Variants in RAF1 observed in about 807,000 individuals in gnomAD.
RAF1 encodes RAF proto-oncogene serine/threonine-protein kinase.
A neutral mutation model predicts 81.1 loss-of-function variants in RAF1; 27 were observed. The observed-to-expected ratio is 0.33, with a 90% CI of 0.25 to 0.46. RAF1 has a LOEUF of 0.46. Among genes scored for constraint, RAF1 ranks in the 20% least tolerant of loss-of-function variants. RAF1 has a pLI of 1.00. For missense variants in RAF1, 598 were observed against 826.0 expected (o/e 0.72, Z 3.38); for synonymous variants, 298 against 294.0 (o/e 1.01, Z -0.14).
At position 12,599,762 on chromosome 3, in the gene RAF1, G is replaced by A. The variant is rs2125378113; in HGVS notation, c.1097C>T (p.Ala366Val). 1 of 1,614,112 alleles carries A rather than the reference G, an allele frequency of 6.2e-7. No individual in the cohort carries two copies. The highest frequency in any genetic ancestry group is 8.5e-7 in the Non-Finnish European group (1 of 1,180,018). The change falls in exon 11 of 18, where the codon GCC becomes GTC. Residue 366 changes from alanine to valine, a missense_variant. By Grantham distance (64) the Ala-to-Val change is moderately conservative. Around this residue, in one of 5 missense-constraint regions of RAF1, gnomAD observed 194 missense variants for 202.7 expected, o/e 0.96. Coordinates refer to ENST00000442415, the MANE Select transcript of RAF1 (RefSeq NM_001354689.3). ...CCGAGTGGACAGCATCACTTCACTG[G>A]CTTCTATTTCCCAATAATAGCTTGA...
rs1049453131 is a variant in RAF1 at position 12,650,052 on chromosome 3, A to C, written c.-27+13761T>G. On this transcript the variant is annotated intron_variant, in intron 1 of 17. Transcript: ENST00000442415. ...TCCCAGCTACTCGGGAGGCTGAGGC[A>C]GGAGAACTGCATGAACCCAGGAGGC... Among the ~76,000 whole-genome samples, 10 of 146,800 alleles carry C rather than the reference A, an allele frequency of 6.8e-5. No individual in the cohort carries two copies. In the South Asian group the frequency reaches 2.1e-3, roughly 30 times the overall value.
intron 1 of RAF1, among the ~76,000 whole-genome samples, chr3:12,633,951 A>C (rs1239201095): frequency 4.0e-5 from 6 of 148,886 alleles, no homozygotes; most frequent in Non-Finnish European, 8.9e-5. Flanking sequence ...AAAAAAAAAA[A>C]CAAAAAAAAT....
At chr3:12,621,860 A>G (rs140767625) in intron 1 of RAF1, among the ~76,000 whole-genome samples, 1 of 152,366 alleles carries the variant, frequency 6.6e-6, no homozygotes, top group African/African-American at 2.4e-5. Context: ...ATATTAATCT[A>G]CAAAGAGGGA....
intron 2 of RAF1, among the ~76,000 whole-genome samples, chr3:12,613,106 T>TC (rs1205058481): frequency 6.6e-6 from 1 of 152,062 alleles, no homozygotes; most frequent in Non-Finnish European, 1.5e-5. Context: ...TTCTCTATAT[T>TC]CCCCTGTACT....
In RAF1 at chr3:12,584,435, C is replaced by CTGGAGAAAGGGAGCAGAAAAGTGGT; in HGVS notation, c.*54_*78dup. 3 of 1,578,956 alleles carry CTGGAGAAAGGGAGCAGAAAAGTGGT rather than the reference C, an allele frequency of 1.9e-6. No homozygotes were observed. Among genetic ancestry groups the CTGGAGAAAGGGAGCAGAAAAGTGGT allele is most frequent in the Non-Finnish European group, 2.6e-6 (3 of 1,150,130 alleles). On this transcript the variant is annotated 3_prime_UTR_variant, in exon 18 of 18. Coordinates refer to ENST00000442415, the MANE Select transcript of RAF1 (RefSeq NM_001354689.3). ...TTCTCTGAAAACATGTGTTCTGCCT[C>CTGGAGAAAGGGAGCAGAAAAGTGGT]TGGAGAAAGGGAGCAGAAAAGTGGT...
At chr3:12,624,867 C>T (rs1221078054) in intron 1 of RAF1, among the ~76,000 whole-genome samples, 2 of 109,154 alleles carry the variant, frequency 1.8e-5, no homozygotes, top group African/African-American at 3.7e-5. Context: ...GCCTGAGCAA[C>T]AAAGCAAGAC....
chr3:12,640,556 A>C (rs1157302043), intron 1 of RAF1, among the ~76,000 whole-genome samples: 1 of 152,200 alleles, frequency 6.6e-6, no homozygotes, highest in Non-Finnish European at 1.5e-5. Context: ...AAAAGTGGGC[A>C]AAGGATATGA....
rs139754550 is a variant in RAF1 at position 12,612,885 on chromosome 3, C to T, written c.208-823G>A. Among the ~76,000 whole-genome samples the T allele has an allele frequency of 7.2e-3, 1,092 of 152,162 alleles. 6 individuals carry two copies. The highest frequency in any genetic ancestry group is 0.025 in the African/African-American group (1,019 of 41,508). ...TAAGCCAATCTGATCTATAAACAAACGAGTTTTTATGATCAAAATTTGTAC... is the reference window on the plus strand; with the variant it reads ...TAAGCCAATCTGATCTATAAACAAATGAGTTTTTATGATCAAAATTTGTAC... On this transcript the variant is annotated intron_variant, in intron 2 of 17. Coordinates refer to ENST00000442415, the MANE Select transcript of RAF1 (RefSeq NM_001354689.3).
At chr3:12,633,246 T>G (rs1240464610) in intron 1 of RAF1, among the ~76,000 whole-genome samples, 1 of 150,712 alleles carries the variant, frequency 6.6e-6, no homozygotes, top group Non-Finnish European at 1.5e-5. Flanking sequence ...TTTGGGAGGG[T>G]GAGGCAGGAG....
At chr3:12,609,148 A>G (rs946200956) in intron 4 of RAF1, 85 bp downstream of exon 4, 2 of 1,089,802 alleles carry the variant, frequency 1.8e-6, no homozygotes. Flanking sequence ...ATATATATAT[A>G]TACATACGCA....
At chr3:12,641,490 GTTTTTTTT>G (rs747472648) in intron 1 of RAF1, among the ~76,000 whole-genome samples, 1 of 134,614 alleles carries the variant, frequency 7.4e-6, no homozygotes, top group East Asian at 2.2e-4. Flanking sequence ...ATGTTTTTTG[GTTTTTTTT>G]TTTTTTTTTT....
chr3:12,593,468 T>C (rs930026423), intron 11 of RAF1, among the ~76,000 whole-genome samples: 2 of 151,908 alleles, frequency 1.3e-5, no homozygotes, highest in East Asian at 1.9e-4. Flanking sequence ...TCTGGTTTTA[T>C]CATCTAAAGT....
chr3:12,606,156 A>G (rs2059021797), intron 6 of RAF1, 45 bp downstream of exon 6: 1 of 1,452,038 alleles, frequency 6.9e-7, no homozygotes, highest in South Asian at 1.1e-5. Context: ...CAACCCCACC[A>G]CCCCAAATAA....
intron 2 of RAF1, among the ~76,000 whole-genome samples, chr3:12,615,560 G>A (rs896943587): frequency 6.6e-6 from 1 of 152,128 alleles, no homozygotes; most frequent in Non-Finnish European, 1.5e-5. Flanking sequence ...CTCTTCTACC[G>A]CTTTCCTCAA....
At chr3:12,609,560 G>A (rs1439107779) in intron 3 of RAF1, among the ~76,000 whole-genome samples, 1 of 152,164 alleles carries the variant, frequency 6.6e-6, no homozygotes, top group African/African-American at 2.4e-5. Context: ...AGGCCACACA[G>A]CAAGTTTAAG....
At chr3:12,587,454 TCTGTTTTCCTGTC>T in intron 14 of RAF1, 124 bp downstream of exon 13, 7 of 881,302 alleles carry the variant, frequency 7.9e-6, no homozygotes, top group Non-Finnish European at 1.3e-5. Flanking sequence ...TTCTGACTTT[TCTGTTTTCCTGTC>T]CTCTGCCTCT....
intron 14 of RAF1, 114 bp from the exon 14 acceptor site, chr3:12,585,913 C>T: frequency 1.2e-6 from 1 of 803,716 alleles, no homozygotes; most frequent in Non-Finnish European, 2.2e-6. Flanking sequence ...GTCACAGCCT[C>T]TCTGCACTGA....
intron 5 of RAF1, among the ~76,000 whole-genome samples, chr3:12,606,845 T>C (rs942767468): frequency 2.0e-5 from 3 of 152,124 alleles, no homozygotes; most frequent in African/African-American, 7.2e-5. Context: ...CCTAATGCTA[T>C]CCCTTCCCCC....
chr3:12,638,106 G>A (rs1287421586), intron 1 of RAF1, among the ~76,000 whole-genome samples: 2 of 152,038 alleles, frequency 1.3e-5, no homozygotes, highest in Non-Finnish European at 2.9e-5. Context: ...ATAATATTAG[G>A]TATTTGCCTA....
Sources: allele counts gnomAD v4.1 joint callset (sites outside exome capture counted in the v4.1 genomes callset), GRCh38; gene constraint gnomAD v4.1.1; regional missense constraint gnomAD v4.1.1; transcripts MANE v1.5; gene names NCBI Gene and HGNC (gene_info 2026-07-23, HGNC 2026-07-21).